The following ISM2 variants were observed in gnomAD, a reference collection of about 807,000 sequenced individuals.
ISM2 encodes isthmin 2.
In ISM2, 50 loss-of-function variants were observed where a neutral mutation model predicts 58.0. That is an observed-to-expected ratio of 0.86 (90% CI 0.69 to 1.09). The LOEUF (loss-of-function observed/expected upper bound fraction) is 1.09, where lower values mean the gene tolerates loss of function less well. ISM2 is among the 50% of genes least tolerant of loss of function. ISM2 has a pLI of 0.00. For missense variants in ISM2, 723 were observed against 745.0 expected, an observed-to-expected ratio of 0.97 and a Z score of 0.34; for synonymous variants, 303 against 312.4, an observed-to-expected ratio of 0.97 and a Z score of 0.32.
At chr14:77,486,031 C>T (rs1408470290) in intron 1 of ISM2, among the ~76,000 whole-genome samples, 2 of 152,238 alleles carry the variant, frequency 1.3e-5, no homozygotes, top group African/African-American at 4.8e-5. Context: ...CACTTCATCA[C>T]TCATTTCATC....
chr14:77,475,705 C>A lies in ISM2; in HGVS notation c.1606G>T (p.Asp536Tyr). 6.2e-7 allele frequency: 1 copy of A among 1,614,102 alleles called. No homozygotes were observed. Among genetic ancestry groups the A allele is most frequent in the Non-Finnish European group, 8.5e-7 (1 of 1,180,030 alleles). Reference sequence around the variant, plus strand: ...AGCACAGCGTGGAGGCGGCTCCAGTCCCCCTTGCACAGGATCCAGGGCGTC... The same window carrying A: ...AGCACAGCGTGGAGGCGGCTCCAGTACCCCTTGCACAGGATCCAGGGCGTC... ...DTTPWILCKG[D>Y]WSRLHAVLPP... The change falls in exon 7 of 7, where the codon GAC (aspartate) becomes TAC (tyrosine). Residue 536 changes from aspartate (D) to tyrosine (Y), a missense_variant. Transcript: ENST00000342219. This position sits in a 1 kb window ranked among gnomAD's most constrained non-coding sequence, Gnocchi z 4.1.
chr14:77,476,052 C>G lies in ISM2; in HGVS notation c.1259G>C (p.Ser420Thr), dbSNP rs775278390. 5.8e-6 allele frequency: 9 copies of G among 1,541,568 alleles called. No individual in the cohort carries two copies. The East Asian group carries it at 2.0e-4, about 35-fold the overall frequency. The change falls in exon 7 of 7, where the codon AGC (serine) becomes ACC (threonine). Residue 420 changes from serine to threonine, a missense_variant. Ser to Thr is a moderately conservative substitution (Grantham distance 58). Transcript: ENST00000342219. ...CKSDFLIKYL[S>T]QMLRDLPSCP... is the part of the protein sequence containing the mutation. ...GCTGGGCAGGTCCCGCAGCATCTGGCTCAGATACTTGATTAGGAAGTCGCT... is the reference window on the plus strand; with the variant it reads ...GCTGGGCAGGTCCCGCAGCATCTGGGTCAGATACTTGATTAGGAAGTCGCT...
intron 1 of ISM2, among the ~76,000 whole-genome samples, chr14:77,495,944 G>A (rs1335271554): frequency 6.6e-6 from 1 of 152,126 alleles, no homozygotes; most frequent in Non-Finnish European, 1.5e-5. Flanking sequence ...CGGGCGTGGT[G>A]GCTGACACCT....
At chr14:77,485,466 T>C (rs1213189058) in intron 1 of ISM2, among the ~76,000 whole-genome samples, 1 of 152,270 alleles carries the variant, frequency 6.6e-6, no homozygotes, top group Non-Finnish European at 1.5e-5. Flanking sequence ...GCCTGGCTCC[T>C]TTTTCTATTC....
chr14:77,476,439 C>A (rs1204593762), intron 6 of ISM2, among the ~76,000 whole-genome samples: 1 of 152,202 alleles, frequency 6.6e-6, no homozygotes, highest in Non-Finnish European at 1.5e-5. Flanking sequence ...ATCCTGAGAT[C>A]TTGGAAAAGG....
intron 1 of ISM2, chr14:77,498,362 C>T (rs576793126): frequency 2.9e-6 from 4 of 1,399,584 alleles, no homozygotes; most frequent in African/African-American, 1.4e-5. Flanking sequence ...CGAGGAAGCC[C>T]GGCCACCGTG....
intron 1 of ISM2, among the ~76,000 whole-genome samples, chr14:77,486,337 T>C (rs2079167631): frequency 6.6e-6 from 1 of 152,232 alleles, no homozygotes; most frequent in African/African-American, 2.4e-5. Context: ...CCTCCCCTTC[T>C]GCGGTGTCCA....
At chr14:77,486,812 T>G (rs556462693) in intron 1 of ISM2, among the ~76,000 whole-genome samples, 1 of 151,352 alleles carries the variant, frequency 6.6e-6, no homozygotes, top group East Asian at 1.9e-4. Context: ...GAGAAATTTG[T>G]GATTGTCACA....
chr14:77,482,126 A>T (rs1190863258), intron 4 of ISM2, among the ~76,000 whole-genome samples, 196 bp downstream of exon 4: 5 of 115,656 alleles, frequency 4.3e-5, no homozygotes, highest in South Asian at 2.6e-4. Flanking sequence ...TTAAAAAATT[A>T]AAAAAAAAAA....
intron 5 of ISM2, 84 bp from the exon 6 acceptor site, chr14:77,478,409 C>T: frequency 6.9e-7 from 1 of 1,446,026 alleles, no homozygotes; most frequent in Non-Finnish European, 9.6e-7. Context: ...CCTCAATAGG[C>T]TCTCAGTGCC....
intron 4 of ISM2, among the ~76,000 whole-genome samples, chr14:77,480,652 G>A (rs1302000898): frequency 4.8e-5 from 7 of 145,314 alleles, no homozygotes; most frequent in Non-Finnish European, 1.0e-4. Flanking sequence ...TGACCTCCCA[G>A]GCTCAAGTGA....
intron 1 of ISM2, chr14:77,498,124 C>T: frequency 2.0e-6 from 1 of 506,672 alleles, no homozygotes; most frequent in Admixed American, 3.9e-5. Context: ...CCAATGCCCA[C>T]CCACAGGCCA....
chr14:77,492,805 C>T (rs954130182), intron 1 of ISM2, among the ~76,000 whole-genome samples: 9 of 151,974 alleles, frequency 5.9e-5, no homozygotes, highest in African/African-American at 1.9e-4. Flanking sequence ...GTCGGGAGTT[C>T]GAGACCAGCC....
At chr14:77,484,160 TG>T (rs2079150862) in intron 3 of ISM2, 162 bp downstream of exon 3, 1 of 870,588 alleles carries the variant, frequency 1.1e-6, no homozygotes, top group Non-Finnish European at 1.8e-6. Flanking sequence ...GCAGGTCCTC[TG>T]CCCCCTACAC....
intron 1 of ISM2, among the ~76,000 whole-genome samples, chr14:77,491,531 G>C (rs1241365786): frequency 6.6e-6 from 1 of 152,128 alleles, no homozygotes; most frequent in Non-Finnish European, 1.5e-5. Flanking sequence ...TGGGATTACA[G>C]GTGGCTGCCA....
At position 77,498,751 on chromosome 14, in the gene ISM2, G is replaced by T; in HGVS notation, c.43C>A (p.Leu15Met). 3 of 1,480,416 alleles carry T rather than the reference G, an allele frequency of 2.0e-6. No homozygotes were observed. The highest frequency in any genetic ancestry group is 2.7e-6 in the Non-Finnish European group (3 of 1,124,144). 91.7% of individuals were successfully genotyped at this position (1,480,416 alleles called of 1,614,324 possible). A position where few individuals can be genotyped will look rare whatever the true frequency, so the allele number is the denominator to read the frequency against. The change falls in exon 1 of 7, where the codon CTG becomes ATG. Residue 15 changes from leucine to methionine, a missense_variant. Leu to Met is a conservative substitution (Grantham distance 15). Transcript: ENST00000342219. ...RDRAGLLLCV[L>M]LLAALLEAAL... Reference sequence around the variant, plus strand: ...GCCTCCAGCAGCGCCGCCAGCAGCAGCACGCAGAGGAGGAGCCCGGCTCGG... The same window carrying T: ...GCCTCCAGCAGCGCCGCCAGCAGCATCACGCAGAGGAGGAGCCCGGCTCGG...
chr14:77,478,771 T>C, intron 4 of ISM2, 56 bp from the exon 5 acceptor site: 1 of 1,564,898 alleles, frequency 6.4e-7, no homozygotes. Flanking sequence ...GGCAAATTGG[T>C]ACAAATCAGC....
intron 4 of ISM2, among the ~76,000 whole-genome samples, chr14:77,480,487 T>C (rs1187073698): frequency 6.7e-6 from 1 of 150,064 alleles, no homozygotes; most frequent in Admixed American, 6.6e-5. Context: ...AGGCCAGCAC[T>C]GGCGCCAAGA....
In ISM2 at chr14:77,482,586, C is replaced by G. The variant is rs766367695; in HGVS notation, c.709G>C (p.Asp237His). 1.2e-6 allele frequency: 2 copies of G among 1,612,300 alleles called. No homozygotes were observed. The highest frequency in any genetic ancestry group is 2.7e-5 in the African/African-American group (2 of 74,872). Reference protein sequence around the residue: ...LAEPSNPPPQDTLSWLPALWS... With the variant: ...LAEPSNPPPQHTLSWLPALWS... ...AGGGCGGGCAGCCAGCTAAGGGTAT[C>G]CTGGGGCGGGGGATTGCTGGGCTCA... The change falls in exon 4 of 7, where the codon GAT becomes CAT. Residue 237 changes from aspartate to histidine, a missense_variant. By Grantham distance (81) the Asp-to-His change is moderately conservative. Coordinates refer to ENST00000342219, the MANE Select transcript of ISM2 (RefSeq NM_199296.3).
Sources: gnomAD v4.1 joint callset for allele counts (sites outside exome capture counted in the v4.1 genomes callset) on GRCh38, gnomAD v4.1.1 for gene constraint, Gnocchi (gnomAD v3.1) non-coding constraint, MANE v1.5 for transcripts, NCBI Gene and HGNC (gene_info 2026-07-23, HGNC 2026-07-21) for gene names.